The following GRIA1 variants were observed in gnomAD, a reference collection of about 807,000 sequenced individuals.
GRIA1 encodes the protein glutamate receptor 1.
A neutral mutation model predicts 99.2 loss-of-function variants in GRIA1; 31 were observed. The observed-to-expected ratio is 0.31, with a 90% CI of 0.23 to 0.42. The LOEUF (loss-of-function observed/expected upper bound fraction) is 0.42, where lower values mean the gene tolerates loss of function less well. Ranked by LOEUF, GRIA1 falls within the 10% of genes least tolerant of loss-of-function variation. GRIA1 has a pLI of 1.00. For missense variants in GRIA1, 782 were observed against 1,157.5 expected (o/e 0.68, Z 4.71); for synonymous variants, 438 against 432.4 (o/e 1.01, Z -0.16).
chr5:153,591,843 C>A (rs1474343786), intron 2 of GRIA1, among the ~76,000 whole-genome samples: 2 of 152,188 alleles, frequency 1.3e-5, no homozygotes, highest in Non-Finnish European at 2.9e-5. Context: ...GTAGAATAAC[C>A]TTTTGTGATT....
At chr5:153,607,068 T>TAA (rs1554102889) in intron 2 of GRIA1, among the ~76,000 whole-genome samples, 47 of 140,448 alleles carry the variant, frequency 3.3e-4, no homozygotes, top group Non-Finnish European at 6.6e-4. Flanking sequence ...TATATATATA[T>TAA]AATCACAGTT....
chr5:153,763,291 C>G (rs962881182), intron 11 of GRIA1, among the ~76,000 whole-genome samples: 2 of 152,086 alleles, frequency 1.3e-5, no homozygotes, highest in Non-Finnish European at 2.9e-5. Flanking sequence ...CCAACAGGCC[C>G]GCGTACTGCT....
At chr5:153,643,033 A>C (rs1581389112) in intron 2 of GRIA1, among the ~76,000 whole-genome samples, 1 of 152,170 alleles carries the variant, frequency 6.6e-6, no homozygotes. Flanking sequence ...GCAAAGAGGT[A>C]AGAAAAGCAG....
At chr5:153,574,649 C>T (rs953929642) in intron 2 of GRIA1, among the ~76,000 whole-genome samples, 21 of 151,886 alleles carry the variant, frequency 1.4e-4, no homozygotes, top group African/African-American at 4.1e-4. Context: ...CCCTGAAGTG[C>T]TTTATTGATT....
At chr5:153,727,734 G>A (rs1191076253) in intron 11 of GRIA1, among the ~76,000 whole-genome samples, 6 of 152,076 alleles carry the variant, frequency 3.9e-5, no homozygotes, top group Admixed American at 3.9e-4. Flanking sequence ...AAATAAAAGA[G>A]GTTACAAAGA....
intron 11 of GRIA1, among the ~76,000 whole-genome samples, chr5:153,747,860 G>A (rs547830144): frequency 6.6e-6 from 1 of 152,188 alleles, no homozygotes; most frequent in Non-Finnish European, 1.5e-5. Flanking sequence ...ACAACTATCA[G>A]TTGTTTCTGT....
At chr5:153,717,524 G>C (rs1223669584) in intron 11 of GRIA1, among the ~76,000 whole-genome samples, 2 of 2,864 alleles carry the variant, frequency 7.0e-4, no homozygotes, top group Non-Finnish European at 1.2e-3. Context: ...ATCCTTCCTA[G>C]GTATTCATTG....
At chr5:153,642,177 T>C (rs1453959475) in intron 2 of GRIA1, among the ~76,000 whole-genome samples, 1 of 152,210 alleles carries the variant, frequency 6.6e-6, no homozygotes, top group Non-Finnish European at 1.5e-5. Context: ...GAGAGGATTT[T>C]CCAGAAACTG....
chr5:153,570,514 T>C (rs1193098906), intron 2 of GRIA1, among the ~76,000 whole-genome samples: 1 of 152,208 alleles, frequency 6.6e-6, no homozygotes, highest in African/African-American at 2.4e-5. Context: ...GAGGTGGCAA[T>C]TATTTTCTTG....
intron 8 of GRIA1, among the ~76,000 whole-genome samples, chr5:153,688,764 G>T (rs1757524022): frequency 2.0e-5 from 3 of 151,236 alleles, no homozygotes; most frequent in Admixed American, 1.3e-4. Context: ...CTGTCGCTCA[G>T]ACTGGAGTGC....
At chr5:153,527,500 C>A (rs1463003435) in intron 2 of GRIA1, among the ~76,000 whole-genome samples, 1 of 152,058 alleles carries the variant, frequency 6.6e-6, no homozygotes, top group Non-Finnish European at 1.5e-5. Context: ...CCTGGTAAAA[C>A]ATTACTTTTG....
chr5:153,529,501 C>A (rs1006346627), intron 2 of GRIA1, among the ~76,000 whole-genome samples: 1 of 152,148 alleles, frequency 6.6e-6, no homozygotes, highest in African/African-American at 2.4e-5. Context: ...ACAGTACCAG[C>A]CCCTGGACAG....
chr5:153,708,357 G>A (rs932012941), intron 11 of GRIA1, among the ~76,000 whole-genome samples: 4 of 152,088 alleles, frequency 2.6e-5, no homozygotes, highest in Admixed American at 6.5e-5. Context: ...ACCTCTGGCT[G>A]CAAGAGGATT....
At chr5:153,507,910 C>T (rs544117494) in intron 2 of GRIA1, among the ~76,000 whole-genome samples, 3 of 152,184 alleles carry the variant, frequency 2.0e-5, no homozygotes, top group African/African-American at 7.2e-5. Flanking sequence ...CACAAACATG[C>T]CTCTCAGTCT....
chr5:153,521,855 A>G (rs1268892791), intron 2 of GRIA1, among the ~76,000 whole-genome samples: 1 of 152,228 alleles, frequency 6.6e-6, no homozygotes, highest in Non-Finnish European at 1.5e-5. Context: ...GTGTGAGTTG[A>G]GTGGCATTGC....
At chr5:153,496,714 G>A (rs181571838) in intron 2 of GRIA1, among the ~76,000 whole-genome samples, 3 of 152,170 alleles carry the variant, frequency 2.0e-5, no homozygotes, top group Admixed American at 2.0e-4. Flanking sequence ...GTCAGTGGGA[G>A]CAAAGCAGTT....
intron 2 of GRIA1, among the ~76,000 whole-genome samples, chr5:153,568,815 A>C (rs992684821): frequency 2.0e-5 from 3 of 152,254 alleles, no homozygotes; most frequent in Middle Eastern, 6.8e-3. Flanking sequence ...TTGTCTTCAG[A>C]GTAAAATTCA....
At chr5:153,498,228 C>T (rs941609384) in intron 2 of GRIA1, among the ~76,000 whole-genome samples, 7 of 152,182 alleles carry the variant, frequency 4.6e-5, no homozygotes, top group Admixed American at 2.0e-4. Context: ...TCTACATGGC[C>T]TCTTTCCCAA....
chr5:153,751,182 GC>G (rs1297209173), intron 11 of GRIA1, among the ~76,000 whole-genome samples: 1 of 152,216 alleles, frequency 6.6e-6, no homozygotes, highest in African/African-American at 2.4e-5. Flanking sequence ...AAGGCAGGAT[GC>G]CCTTCAGCTT....
Sources: allele counts gnomAD v4.1 joint callset (sites outside exome capture counted in the v4.1 genomes callset), GRCh38; gene constraint gnomAD v4.1.1; transcripts MANE v1.5; gene names NCBI Gene and HGNC (gene_info 2026-07-23, HGNC 2026-07-21).